Variants in PRKAB2 observed in about 807,000 individuals in gnomAD.
The protein encoded by PRKAB2 is 5'-AMP-activated protein kinase subunit beta-2.
A neutral mutation model predicts 29.8 loss-of-function variants in PRKAB2; 18 were observed. The observed-to-expected ratio is 0.60, with a 90% CI of 0.42 to 0.89. The LOEUF is 0.89. Among genes scored for constraint, PRKAB2 ranks in the 40% least tolerant of loss-of-function variants. The probability of loss-of-function intolerance (pLI) is 0.00; values close to 1 mark genes in which losing one functional copy is unlikely to be tolerated. For synonymous variants in PRKAB2, 136 were observed against 125.9 expected, an observed-to-expected ratio of 1.08 and a Z score of -0.54; for missense variants, 270 against 344.3, an observed-to-expected ratio of 0.78 and a Z score of 1.71.
intron 7 of PRKAB2, 179 bp downstream of exon 7, chr1:147,161,533 G>T: frequency 1.8e-6 from 1 of 543,244 alleles, no homozygotes; most frequent in Non-Finnish European, 3.2e-6. Flanking sequence ...AGAACACAGA[G>T]ACTGAGATTT....
intron 5 of PRKAB2, among the ~76,000 whole-genome samples, chr1:147,166,139 G>A (rs1046472949): frequency 2.6e-5 from 4 of 151,982 alleles, no homozygotes; most frequent in Non-Finnish European, 5.9e-5. Context: ...CACATGTATC[G>A]CCTCTGCTGG....
chr1:147,162,684 C>G, intron 5 of PRKAB2, 111 bp from the exon 6 acceptor site: 1 of 1,169,810 alleles, frequency 8.5e-7, no homozygotes, highest in Non-Finnish European at 1.2e-6. Flanking sequence ...AGTCCTGGAT[C>G]ACAAACTTGT....
At chr1:147,164,667 T>C (rs1654146950) in intron 5 of PRKAB2, among the ~76,000 whole-genome samples, 1 of 152,208 alleles carries the variant, frequency 6.6e-6, no homozygotes, top group Non-Finnish European at 1.5e-5. Context: ...TAAATACAAA[T>C]TGGTTATTTG....
At position 147,172,081 on chromosome 1, in the gene PRKAB2, C is replaced by G; in HGVS notation, c.64G>C (p.Glu22Gln). ...CCCGGGGCATGGCCGCCTGCGCCCT[C>G]GGAGCGTGCAGCCTTGGCGCCGTGG... is the stretch of plus-strand genomic sequence containing the variant. ...ERHGAKAARS[E>Q]GAGGHAPGKE... is the part of the protein sequence containing the mutation. Residue 22 changes from glutamate to glutamine, a missense_variant, in exon 2 of 8, where the codon GAG (glutamate) becomes CAG (glutamine). Around this residue, in one of 2 missense-constraint regions of PRKAB2, gnomAD observed 228 missense variants for 255.5 expected, o/e 0.89. Coordinates refer to ENST00000254101, the MANE Select transcript of PRKAB2 (RefSeq NM_005399.5). The G allele has an allele frequency of 3.8e-6, 6 of 1,568,862 alleles. No individual in the cohort carries two copies. Among genetic ancestry groups the G allele is most frequent in the Non-Finnish European group, 5.2e-6 (6 of 1,157,770 alleles).
At chr1:147,161,631 A>G in intron 7 of PRKAB2, 81 bp downstream of exon 7, 1 of 1,217,234 alleles carries the variant, frequency 8.2e-7, no homozygotes, top group Non-Finnish European at 1.2e-6. Flanking sequence ...GAAATAGCAG[A>G]GAAAGTAACC....
At position 147,167,433 on chromosome 1, in the gene PRKAB2, T is replaced by C. The variant is rs1553913820; in HGVS notation, c.323+334A>G. Among the ~76,000 whole-genome samples, 7 of 152,352 alleles carry C rather than the reference T, an allele frequency of 4.6e-5. No homozygotes were observed. In the South Asian group the frequency reaches 1.4e-3, roughly 32 times the overall value. ...CTACCTAAAAATTCAAAATGTGTTT[T>C]GCTTTAGTGCAGAAGTCAGAGCAAC... On this transcript the variant is annotated intron_variant, in intron 3 of 7. Coordinates refer to ENST00000254101, the MANE Select transcript of PRKAB2 (RefSeq NM_005399.5).
intron 2 of PRKAB2, among the ~76,000 whole-genome samples, chr1:147,168,251 C>A (rs1363062303): frequency 6.6e-6 from 1 of 151,926 alleles, no homozygotes; most frequent in Non-Finnish European, 1.5e-5. Context: ...ACTAGTTTAA[C>A]TCATAGGCAG....
chr1:147,171,872 T>C, intron 2 of PRKAB2, 117 bp downstream of exon 2: 4 of 1,340,674 alleles, frequency 3.0e-6, no homozygotes, highest in Non-Finnish European at 4.1e-6. Context: ...TAAATCCCTT[T>C]AATTCAAAAA....
chr1:147,165,325 CAA>C (rs1312445015), intron 5 of PRKAB2, among the ~76,000 whole-genome samples: 1 of 152,152 alleles, frequency 6.6e-6, no homozygotes, highest in Non-Finnish European at 1.5e-5. Context: ...TGTGCCCAGC[CAA>C]TAATTTCTTT....
Position 147,172,441 on chromosome 1 carries a change from G to A in PRKAB2, c.-36C>T. The A allele has an allele frequency of 4.1e-6, 2 of 487,216 alleles. No homozygotes were observed. The allele number at this position is 487,216 out of a possible 1,614,324, so 30.2% of individuals were successfully genotyped here. On this transcript the variant is annotated 5_prime_UTR_variant, in exon 1 of 8. Coordinates refer to ENST00000254101, the MANE Select transcript of PRKAB2 (RefSeq NM_005399.5). ...CCACTCCAGTCACCTCGGGCGATGC[G>A]CTCCCTCCTCCAAGGGCCACTGATG...
chr1:147,163,698 T>A (rs904636421), intron 5 of PRKAB2, among the ~76,000 whole-genome samples: 2 of 151,986 alleles, frequency 1.3e-5, no homozygotes, highest in African/African-American at 4.8e-5. Flanking sequence ...GAGGAGGGAA[T>A]GGGATGTGAC....
At chr1:147,161,335 T>C (rs1553913026) in intron 7 of PRKAB2, among the ~76,000 whole-genome samples, 3 of 152,056 alleles carry the variant, frequency 2.0e-5, no homozygotes, top group Admixed American at 6.6e-5. Flanking sequence ...CAATTCCACC[T>C]TCAAAAAATG....
At chr1:147,170,283 G>A (rs1654452310) in intron 2 of PRKAB2, among the ~76,000 whole-genome samples, 1 of 152,138 alleles carries the variant, frequency 6.6e-6, no homozygotes, top group Non-Finnish European at 1.5e-5. Context: ...CAAATGCCAA[G>A]ACTGAGGTGA....
rs978508814 is a variant in PRKAB2, at chr1:147,158,552, T to C, written c.*1013A>G. 4 of 151,838 alleles carry C rather than the reference T, an allele frequency of 2.6e-5. No individual in the cohort carries two copies. The highest frequency in any genetic ancestry group is 6.6e-5 in the Admixed American group (1 of 15,222). The allele number at this position is 151,838 out of a possible 1,614,324, so 9.4% of individuals were successfully genotyped here. On this transcript the variant is annotated 3_prime_UTR_variant, in exon 8 of 8. Transcript: ENST00000254101. ...CTCCAATGCGGTCTCTTAAGACCAA[T>C]GAAAAGGCATTTTTTAATTAAAAAA... is the stretch of plus-strand genomic sequence containing the variant.
In PRKAB2 at chr1:147,155,604, G is replaced by A. The variant is rs1653633453; in HGVS notation, c.*3961C>T. The A allele has an allele frequency of 6.6e-6, 1 of 152,520 alleles. No individual in the cohort carries two copies. Among genetic ancestry groups the A allele is most frequent in the South Asian group, 2.1e-4 (1 of 4,826 alleles). 9.4% of individuals were successfully genotyped at this position (152,520 alleles called of 1,614,324 possible). On this transcript the variant is annotated 3_prime_UTR_variant, in exon 8 of 8. Coordinates refer to ENST00000254101, the MANE Select transcript of PRKAB2 (RefSeq NM_005399.5). ...ATCAATACCTAATATATGACTTAAT[G>A]TAGGTATCCCTTGACCATTTAACCT...
At chr1:147,162,807 T>C (rs1286586057) in intron 5 of PRKAB2, among the ~76,000 whole-genome samples, 1 of 152,082 alleles carries the variant, frequency 6.6e-6, no homozygotes, top group African/African-American at 2.4e-5. Context: ...GACAAAGATA[T>C]AAAGACTCAA....
At chr1:147,161,625 T>C in intron 7 of PRKAB2, 87 bp downstream of exon 7, 1 of 1,148,370 alleles carries the variant, frequency 8.7e-7, no homozygotes, top group Non-Finnish European at 1.3e-6. Context: ...TTCAATGAAA[T>C]AGCAGAGAAA....
intron 6 of PRKAB2, 93 bp from the exon 7 acceptor site, chr1:147,161,873 G>A: frequency 2.9e-6 from 3 of 1,035,584 alleles, no homozygotes; most frequent in South Asian, 1.7e-5. Context: ...AGAGCTCTTT[G>A]AGAAATTTAA....
At chr1:147,161,537 G>C (rs1368679535) in intron 7 of PRKAB2, 175 bp downstream of exon 7, 5 of 553,410 alleles carry the variant, frequency 9.0e-6, no homozygotes, top group Non-Finnish European at 1.6e-5. Context: ...CACAGAGACT[G>C]AGATTTTAAA....
Sources: allele counts gnomAD v4.1 joint callset (sites outside exome capture counted in the v4.1 genomes callset), GRCh38; gene constraint gnomAD v4.1.1; regional missense constraint gnomAD v4.1.1; transcripts MANE v1.5; gene names NCBI Gene and HGNC (gene_info 2026-07-23, HGNC 2026-07-21).